Variants in C1orf21 observed in about 807,000 individuals in gnomAD.
C1orf21 encodes uncharacterized protein C1orf21.
In C1orf21, 3 loss-of-function variants were observed where a neutral mutation model predicts 18.7. The ratio of observed to expected loss-of-function variants is 0.16; its 90% CI spans 0.07 to 0.42. The LOEUF is 0.42. C1orf21 is among the 10% of genes least tolerant of loss of function. The probability of loss-of-function intolerance (pLI) is 0.99; values close to 1 mark genes in which losing one functional copy is unlikely to be tolerated. For synonymous variants in C1orf21, 41 were observed against 46.4 expected, an observed-to-expected ratio of 0.88 and a Z score of 0.47; for missense variants, 104 against 143.6, an observed-to-expected ratio of 0.72 and a Z score of 1.41.
rs373110396 is a variant in C1orf21, at chr1:184,561,386, A to G, written c.190-29353A>G. 1.2e-4 allele frequency among the ~76,000 whole-genome samples: 18 copies of G among 152,316 alleles called. No individual in the cohort carries two copies. The East Asian group carries it at 3.3e-3, about 28-fold the overall frequency. On this transcript the variant is annotated intron_variant, in intron 3 of 5. Transcript: ENST00000235307. ...TATAATCCTGGGCTGGTATAATCCA[A>G]CAGATAGACTTTATCTGGATGACAG...
At chr1:184,394,315 A>G (rs1289702665) in intron 1 of C1orf21, among the ~76,000 whole-genome samples, 3 of 152,202 alleles carry the variant, frequency 2.0e-5, no homozygotes, top group Admixed American at 2.0e-4. Context: ...GTTTCAGTTC[A>G]TTGTTAAACC....
intron 1 of C1orf21, among the ~76,000 whole-genome samples, chr1:184,407,255 A>G (rs1439125534): frequency 6.6e-6 from 1 of 152,188 alleles, no homozygotes; most frequent in East Asian, 1.9e-4. Flanking sequence ...GACTACAGGC[A>G]TGAGCCACCA....
intron 1 of C1orf21, among the ~76,000 whole-genome samples, chr1:184,404,716 G>A (rs1384619954): frequency 6.6e-6 from 1 of 152,172 alleles, no homozygotes; most frequent in Non-Finnish European, 1.5e-5. Flanking sequence ...TCCAGAGAAG[G>A]AAATCCTTGA....
At chr1:184,452,653 TTTGA>T (rs1657139104) in intron 1 of C1orf21, among the ~76,000 whole-genome samples, 1 of 152,348 alleles carries the variant, frequency 6.6e-6, no homozygotes, top group East Asian at 1.9e-4. Context: ...CAGAACAAAC[TTTGA>T]TTGATCTTTT....
chr1:184,521,622 C>T (rs1658307539), intron 3 of C1orf21, among the ~76,000 whole-genome samples: 1 of 152,166 alleles, frequency 6.6e-6, no homozygotes, highest in South Asian at 2.1e-4. Context: ...ATAGGTGAAG[C>T]ACAGAGGATT....
intron 1 of C1orf21, among the ~76,000 whole-genome samples, chr1:184,420,403 T>C (rs1044097324): frequency 1.7e-4 from 26 of 152,146 alleles, no homozygotes; most frequent in African/African-American, 6.0e-4. Context: ...TAGACTTAAA[T>C]TTTCTAGTTC....
At chr1:184,420,203 G>GA (rs1044309334) in intron 1 of C1orf21, among the ~76,000 whole-genome samples, 9 of 149,558 alleles carry the variant, frequency 6.0e-5, no homozygotes, top group Non-Finnish European at 8.9e-5. Flanking sequence ...TGTGCAAGAA[G>GA]AAAAAAAAAT....
Position 184,410,664 on chromosome 1 carries a change from T to TATAATATATATA in C1orf21, c.-125+23296_-125+23297insATAATATATATA, listed in dbSNP as rs1553248058. On this transcript the variant is annotated intron_variant, in intron 1 of 5. Coordinates refer to ENST00000235307, the MANE Select transcript of C1orf21 (RefSeq NM_030806.4). ...ATATATATATATATATATATATATA[T>TATAATATATATA]TTTTTTTTTTTTTTTTTGAGATGGA... 7.0e-3 allele frequency among the ~76,000 whole-genome samples: 21 copies of TATAATATATATA among 3,012 alleles called. 3 individuals are homozygous for TATAATATATATA. In the African/African-American group the frequency reaches 0.084, roughly 12 times the overall value. The allele number at this position is 3,012 out of a possible 152,430, so 2.0% of individuals were successfully genotyped here. A position where few individuals can be genotyped will look rare whatever the true frequency, so the allele number is the denominator to read the frequency against.
At chr1:184,499,332 T>C (rs991410945) in intron 2 of C1orf21, among the ~76,000 whole-genome samples, 5 of 152,218 alleles carry the variant, frequency 3.3e-5, no homozygotes, top group African/African-American at 1.2e-4. Flanking sequence ...TACCATATAT[T>C]GGAGAAAAAC....
intron 2 of C1orf21, among the ~76,000 whole-genome samples, chr1:184,481,558 C>A (rs1030195059): frequency 6.6e-6 from 1 of 152,112 alleles, no homozygotes; most frequent in Non-Finnish European, 1.5e-5. Flanking sequence ...AAGATTGGGG[C>A]TAAAAATCAG....
At chr1:184,515,257 T>G (rs1203060044) in intron 3 of C1orf21, among the ~76,000 whole-genome samples, 1 of 152,216 alleles carries the variant, frequency 6.6e-6, no homozygotes, top group Admixed American at 6.5e-5. Flanking sequence ...ATGCTTTTAA[T>G]TTTTTCAAGA....
intron 2 of C1orf21, among the ~76,000 whole-genome samples, chr1:184,477,867 G>T (rs1657595906): frequency 6.6e-6 from 1 of 152,168 alleles, no homozygotes; most frequent in Non-Finnish European, 1.5e-5. Context: ...ACCCTACTCT[G>T]TTATGGAACA....
At chr1:184,514,927 T>C (rs1243557794) in intron 3 of C1orf21, among the ~76,000 whole-genome samples, 2 of 152,214 alleles carry the variant, frequency 1.3e-5, no homozygotes, top group Non-Finnish European at 2.9e-5. Context: ...TATCCATATA[T>C]GTATAGTTAT....
intron 5 of C1orf21, among the ~76,000 whole-genome samples, chr1:184,598,851 A>T (rs192443046): frequency 1.3e-5 from 2 of 152,296 alleles, no homozygotes; most frequent in East Asian, 3.9e-4. Context: ...CACTGATCTG[A>T]GTTCTTTGCA....
At chr1:184,494,756 A>G (rs369675310) in intron 2 of C1orf21, among the ~76,000 whole-genome samples, 1 of 152,172 alleles carries the variant, frequency 6.6e-6, no homozygotes, top group Non-Finnish European at 1.5e-5. Context: ...TGAAAAATGA[A>G]ATTTGAAAAT....
intron 3 of C1orf21, among the ~76,000 whole-genome samples, chr1:184,534,102 T>C (rs1361576875): frequency 6.6e-6 from 1 of 152,196 alleles, no homozygotes; most frequent in Non-Finnish European, 1.5e-5. Context: ...ATAGTTTCTT[T>C]CTTTCCCGTC....
intron 3 of C1orf21, chr1:184,567,868 G>C (rs1243221651): frequency 4.9e-6 from 1 of 202,976 alleles, no homozygotes; most frequent in Non-Finnish European, 1.0e-5. Flanking sequence ...GAACCACACT[G>C]AAAGTTCCAG....
chr1:184,444,122 C>T (rs1467300027), intron 1 of C1orf21, among the ~76,000 whole-genome samples: 3 of 152,146 alleles, frequency 2.0e-5, no homozygotes, highest in Admixed American at 6.5e-5. Flanking sequence ...GATCCCAGGG[C>T]CTAATTGTCA....
chr1:184,602,518 G>C (rs948136145), intron 5 of C1orf21, among the ~76,000 whole-genome samples: 1 of 152,054 alleles, frequency 6.6e-6, no homozygotes, highest in African/African-American at 2.4e-5. Context: ...TGATTCACAG[G>C]CTCCTAGAAT....
Sources: allele counts gnomAD v4.1 joint callset (sites outside exome capture counted in the v4.1 genomes callset), GRCh38; gene constraint gnomAD v4.1.1; transcripts MANE v1.5; gene names NCBI Gene and HGNC (gene_info 2026-07-23, HGNC 2026-07-21).